Variants in RIMKLB observed in about 807,000 individuals in gnomAD.
The protein encoded by RIMKLB is beta-citrylglutamate synthase B.
RIMKLB carries 7 observed loss-of-function variants against 32.0 expected under a neutral mutation model. That is an observed-to-expected ratio of 0.22 (90% CI 0.12 to 0.41). RIMKLB has a LOEUF of 0.41. RIMKLB is among the 10% of genes least tolerant of loss of function. The pLI is 1.00. For missense variants in RIMKLB, 289 were observed against 498.7 expected, an observed-to-expected ratio of 0.58 and a Z score of 4.00; for synonymous variants, 172 against 185.1, an observed-to-expected ratio of 0.93 and a Z score of 0.57.
At chr12:8,763,910 AG>A (rs1243581072) in intron 5 of RIMKLB, among the ~76,000 whole-genome samples, 1 of 152,196 alleles carries the variant, frequency 6.6e-6, no homozygotes, top group African/African-American at 2.4e-5. Flanking sequence ...AAAAATTGAC[AG>A]GATGTACAGG....
intron 5 of RIMKLB, among the ~76,000 whole-genome samples, chr12:8,757,463 C>G (rs1366771379): frequency 3.7e-5 from 5 of 133,980 alleles, no homozygotes; most frequent in African/African-American, 1.9e-4. Flanking sequence ...ACAGCAAGAC[C>G]CTGTCTCAAA....
intron 7 of RIMKLB, among the ~76,000 whole-genome samples, chr12:8,782,253 C>A (rs1302964698): frequency 6.6e-6 from 1 of 151,964 alleles, no homozygotes; most frequent in Non-Finnish European, 1.5e-5. Context: ...GGCATATTGG[C>A]ACAATAATTT....
chr12:8,764,741 G>T (rs1949815761), intron 5 of RIMKLB, among the ~76,000 whole-genome samples: 1 of 152,116 alleles, frequency 6.6e-6, no homozygotes, highest in Non-Finnish European at 1.5e-5. Flanking sequence ...GTCCCCTGGG[G>T]CAGTGGGCCT....
At chr12:8,698,499 G>T (rs958831818) in intron 1 of RIMKLB, among the ~76,000 whole-genome samples, 1 of 152,102 alleles carries the variant, frequency 6.6e-6, no homozygotes, top group African/African-American at 2.4e-5. Context: ...GAGCGAGGCG[G>T]GGCCCGGCCT....
Position 8,776,746 on chromosome 12 carries a change from C to G in RIMKLB, c.*2962C>G. On this transcript the variant is annotated 3_prime_UTR_variant, in exon 6 of 6. Coordinates refer to ENST00000535829, the MANE Select transcript of RIMKLB (RefSeq NM_001297776.2). ...TTTCTCCAATGAACATTGAAATCTT[C>G]CTGTATATGTTACCAATAAGAAAAC... is the stretch of plus-strand genomic sequence containing the variant. 3.0e-6 allele frequency: 3 copies of G among 985,208 alleles called. No individual in the cohort carries two copies. Among genetic ancestry groups the G allele is most frequent in the Non-Finnish European group, 3.6e-6 (3 of 829,874 alleles). The allele number at this position is 985,208 out of a possible 1,614,324, so 61.0% of individuals were successfully genotyped here. A position where few individuals can be genotyped will look rare whatever the true frequency, so the allele number is the denominator to read the frequency against.
upstream of RIMKLB, among the ~76,000 whole-genome samples, chr12:8,694,387 A>G (rs1394719213): frequency 5.9e-5 from 7 of 119,090 alleles, no homozygotes; most frequent in South Asian, 1.9e-3. Context: ...ATCCTGTTGA[A>G]TTTTTTTTCT....
At chr12:8,723,982 A>AGTTTTGTGTTGTTTT (rs1945736889) in intron 2 of RIMKLB, among the ~76,000 whole-genome samples, 1 of 150,826 alleles carries the variant, frequency 6.6e-6, no homozygotes, top group African/African-American at 2.5e-5. Flanking sequence ...TGCCTGGCTA[A>AGTTTTGTGTTGTTTT]GTTTTGTTTT....
At chr12:8,732,876 C>G (rs1037683582) in intron 2 of RIMKLB, among the ~76,000 whole-genome samples, 5 of 151,936 alleles carry the variant, frequency 3.3e-5, no homozygotes, top group African/African-American at 1.2e-4. Flanking sequence ...ATATGTCAGC[C>G]CAGCCAAAAT....
chr12:8,696,037 C>T (rs1035941132), upstream of RIMKLB, among the ~76,000 whole-genome samples: 2 of 152,196 alleles, frequency 1.3e-5, no homozygotes, highest in African/African-American at 4.8e-5. Context: ...AGTTAATAGT[C>T]ATACTTCCTA....
At chr12:8,724,792 G>C (rs1446634839) in intron 2 of RIMKLB, among the ~76,000 whole-genome samples, 4 of 152,176 alleles carry the variant, frequency 2.6e-5, no homozygotes, top group Non-Finnish European at 4.4e-5. Context: ...TAAGTCCTCA[G>C]TTACCAGTGT....
intron 5 of RIMKLB, among the ~76,000 whole-genome samples, chr12:8,763,628 C>T (rs1401871820): frequency 6.6e-6 from 1 of 152,216 alleles, no homozygotes; most frequent in Non-Finnish European, 1.5e-5. Context: ...CTGCTGTGAG[C>T]AGAGCTGAGC....
At chr12:8,671,824 A>G in the RIMKLB span, among the ~76,000 whole-genome samples, 43 of 152,206 alleles carry the variant, frequency 2.8e-4, no homozygotes, top group African/African-American at 1.0e-3. Context: ...GAGATGGAGA[A>G]TTGCTTGAAC....
In RIMKLB at chr12:8,774,571, GCTT is replaced by G. The variant is rs1357029280; in HGVS notation, c.*788_*790del. On this transcript the variant is annotated 3_prime_UTR_variant, in exon 6 of 6. Coordinates refer to ENST00000535829, the MANE Select transcript of RIMKLB (RefSeq NM_001297776.2). ...TTGAAAGATGTGCTCTGTTAATGTT[GCTT>G]TTTTTTTTTTTTTTAATACATGCTA... The G allele has an allele frequency of 7.7e-6, 7 of 907,072 alleles. No homozygotes were observed. Among genetic ancestry groups the G allele is most frequent in the African/African-American group, 2.1e-5 (1 of 47,144 alleles). 56.2% of individuals were successfully genotyped at this position (907,072 alleles called of 1,614,324 possible).
At chr12:8,727,424 A>G (rs1242209295) in intron 2 of RIMKLB, among the ~76,000 whole-genome samples, 1 of 152,136 alleles carries the variant, frequency 6.6e-6, no homozygotes, top group Non-Finnish European at 1.5e-5. Flanking sequence ...TTTAGTAGAG[A>G]TAGGGTTTCA....
At chr12:8,698,638 CG>C (rs1943082337) in intron 1 of RIMKLB, among the ~76,000 whole-genome samples, 1 of 152,066 alleles carries the variant, frequency 6.6e-6, no homozygotes, top group Non-Finnish European at 1.5e-5. Flanking sequence ...GTGGTAACCC[CG>C]GGAACGCCGG....
At chr12:8,672,844 C>T in the RIMKLB span, among the ~76,000 whole-genome samples, 1 of 152,124 alleles carries the variant, frequency 6.6e-6, no homozygotes, top group African/African-American at 2.4e-5. Flanking sequence ...GAGTTCTCAC[C>T]AAAAGCAGAT....
chr12:8,749,069 T>G (rs763519355), intron 2 of RIMKLB, among the ~76,000 whole-genome samples: 4 of 152,268 alleles, frequency 2.6e-5, no homozygotes, highest in South Asian at 4.1e-4. Context: ...TATAGAGGCA[T>G]ATGTTCTCAC....
At chr12:8,707,726 G>C (rs1263661762) in intron 1 of RIMKLB, among the ~76,000 whole-genome samples, 2 of 152,178 alleles carry the variant, frequency 1.3e-5, no homozygotes, top group South Asian at 4.1e-4. Flanking sequence ...TCAATTATTA[G>C]CATACAGAAA....
chr12:8,735,054 A>C (rs1946870154), intron 2 of RIMKLB, among the ~76,000 whole-genome samples: 1 of 152,176 alleles, frequency 6.6e-6, no homozygotes, highest in African/African-American at 2.4e-5. Flanking sequence ...TATTTCTTAA[A>C]TTTCATCTAA....
Sources: allele counts gnomAD v4.1 joint callset (sites outside exome capture counted in the v4.1 genomes callset), GRCh38; gene constraint gnomAD v4.1.1; transcripts MANE v1.5; gene names NCBI Gene and HGNC (gene_info 2026-07-23, HGNC 2026-07-21).